The following ITPKB variants were observed in gnomAD, a reference collection of about 807,000 sequenced individuals.
The protein encoded by ITPKB is inositol-trisphosphate 3-kinase B.
In ITPKB, 13 loss-of-function variants were observed where a neutral mutation model predicts 69.4. That is an observed-to-expected ratio of 0.19 (90% CI 0.12 to 0.30). ITPKB has a LOEUF of 0.30. ITPKB is among the 10% of genes least tolerant of loss of function. The pLI, the probability that ITPKB is intolerant of heterozygous loss-of-function variation, is 1.00. For missense variants in ITPKB, 1,240 were observed against 1,250.5 expected, an observed-to-expected ratio of 0.99 and a Z score of 0.13; for synonymous variants, 584 against 513.7, an observed-to-expected ratio of 1.14 and a Z score of -1.85.
At chr1:226,649,607 G>C (rs1208811541) in intron 2 of ITPKB, among the ~76,000 whole-genome samples, 1 of 152,246 alleles carries the variant, frequency 6.6e-6, no homozygotes, top group Non-Finnish European at 1.5e-5. Flanking sequence ...GCGTGCATGT[G>C]TGTTTGGGGA....
At chr1:226,727,650 C>A (rs75361990) in intron 2 of ITPKB, among the ~76,000 whole-genome samples, 4,324 of 152,118 alleles carry the variant, frequency 0.028, 66 homozygotes, top group Middle Eastern at 0.054. Flanking sequence ...TGCAGAGAAC[C>A]CTTTAGAAGG....
At position 226,634,716 on chromosome 1, in the gene ITPKB, G is replaced by A. The variant is rs753936679; in HGVS notation, c.2796C>T (p.Leu932=). 1.3e-5 allele frequency: 13 copies of A among 979,392 alleles called. No individual in the cohort carries two copies. The highest frequency in any genetic ancestry group is 1.2e-4 in the East Asian group (5 of 42,024). The allele number at this position is 979,392 out of a possible 1,614,324, so 60.7% of individuals were successfully genotyped here. A position where few individuals can be genotyped will look rare whatever the true frequency, so the allele number is the denominator to read the frequency against. ...GGGACATCTCGGTCAGGATGTCGAC[G>A]AGGTTATTGAGCCCCGAGAGGTAGC... ...EDGYLSGLNN[L]VDILTEMSQD... The change falls in exon 8 of 8, where the codon CTC becomes CTT. Residue 932 remains leucine (L), a synonymous_variant. Coordinates refer to ENST00000429204, the MANE Select transcript of ITPKB (RefSeq NM_002221.4). This position sits in a 1 kb window ranked among gnomAD's most constrained non-coding sequence, Gnocchi z 6.3.
intron 2 of ITPKB, among the ~76,000 whole-genome samples, chr1:226,661,644 C>T (rs1034047994): frequency 4.6e-5 from 7 of 152,222 alleles, no homozygotes; most frequent in Non-Finnish European, 8.8e-5. Context: ...AATGGAAATA[C>T]CATGTATCCT....
intron 2 of ITPKB, among the ~76,000 whole-genome samples, chr1:226,693,693 CTG>C (rs1656411629): frequency 6.6e-6 from 1 of 152,200 alleles, no homozygotes; most frequent in Non-Finnish European, 1.5e-5. Context: ...AGATCACAAT[CTG>C]TAGTTTTAAA....
chr1:226,638,180 C>A (rs989922190), intron 6 of ITPKB, among the ~76,000 whole-genome samples: 1 of 152,218 alleles, frequency 6.6e-6, no homozygotes, highest in Non-Finnish European at 1.5e-5. Context: ...GAGCAGCCCC[C>A]TGGAGTCTTC....
intron 2 of ITPKB, among the ~76,000 whole-genome samples, chr1:226,657,644 A>C (rs1285375632): frequency 1.3e-5 from 2 of 152,242 alleles, no homozygotes; most frequent in East Asian, 3.8e-4. Context: ...ATAGTGTTAG[A>C]TACTAATAAG....
intron 2 of ITPKB, among the ~76,000 whole-genome samples, chr1:226,732,551 T>C (rs372609579): frequency 9.7e-4 from 147 of 151,968 alleles, no homozygotes; most frequent in Middle Eastern, 3.4e-3. Flanking sequence ...TTTTGTTTTT[T>C]TTTTTTTTGT....
At chr1:226,646,170 T>C (rs968178832) in intron 4 of ITPKB, among the ~76,000 whole-genome samples, 12 of 152,192 alleles carry the variant, frequency 7.9e-5, no homozygotes, top group Non-Finnish European at 1.2e-4. Context: ...CAGACAGCCC[T>C]GCAAGGAAGC....
At chr1:226,635,904 C>T (rs116037338) in intron 7 of ITPKB, among the ~76,000 whole-genome samples, 4 of 152,328 alleles carry the variant, frequency 2.6e-5, no homozygotes, top group African/African-American at 9.6e-5. Context: ...AGAGGAAGGC[C>T]GGGGGCACAG....
At chr1:226,664,297 T>C (rs1404643390) in intron 2 of ITPKB, among the ~76,000 whole-genome samples, 5 of 152,242 alleles carry the variant, frequency 3.3e-5, no homozygotes, top group Non-Finnish European at 5.9e-5. Flanking sequence ...AGAGAGGCAC[T>C]TGGAGGAATG....
At chr1:226,649,400 GTGTGCATGTGTGATA>G (rs1669130472) in intron 2 of ITPKB, among the ~76,000 whole-genome samples, 1 of 142,796 alleles carries the variant, frequency 7.0e-6, no homozygotes, top group South Asian at 2.3e-4. Flanking sequence ...GCATGAGTGT[GTGTGCATGTGTGATA>G]TGTGCATGAG....
intron 2 of ITPKB, among the ~76,000 whole-genome samples, chr1:226,651,992 TG>T (rs1669204267): frequency 6.6e-6 from 1 of 152,220 alleles, no homozygotes; most frequent in African/African-American, 2.4e-5. Context: ...ATGAGGGCCG[TG>T]GAATATTCCA....
intron 2 of ITPKB, among the ~76,000 whole-genome samples, chr1:226,713,659 T>A (rs1261732911): frequency 6.6e-6 from 1 of 152,216 alleles, no homozygotes; most frequent in Non-Finnish European, 1.5e-5. Flanking sequence ...TGTTGGCATC[T>A]CTTCGCTCTC....
intron 7 of ITPKB, among the ~76,000 whole-genome samples, chr1:226,636,997 A>G (rs1480130200): frequency 6.6e-6 from 1 of 151,830 alleles, no homozygotes; most frequent in African/African-American, 2.4e-5. Flanking sequence ...TTTGAGTGTG[A>G]TCTGTGAAGG....
intron 2 of ITPKB, among the ~76,000 whole-genome samples, chr1:226,666,980 T>C (rs1669515302): frequency 6.6e-6 from 1 of 152,234 alleles, no homozygotes; most frequent in Non-Finnish European, 1.5e-5. Context: ...CACTGCTTCA[T>C]GCTCCTGAAC....
chr1:226,634,913 G>A lies in ITPKB; in HGVS notation c.2626-27C>T. The A allele has an allele frequency of 6.3e-7, 1 of 1,582,246 alleles. No homozygotes were observed. The highest frequency in any genetic ancestry group is 8.6e-7 in the Non-Finnish European group (1 of 1,156,312). On this transcript the variant is annotated intron_variant, in intron 7 of 7. Coordinates refer to ENST00000429204, the MANE Select transcript of ITPKB (RefSeq NM_002221.4). The surrounding 1 kb of genome is among the most constrained non-coding windows in gnomAD (Gnocchi z 6.3). ...TGAGGAGAACATGGGGGTGAAGGGT[G>A]AGCTGAAGCCCGGGCCTCGCCCTCC...
At chr1:226,718,290 CAAAAA>C (rs60739828) in intron 2 of ITPKB, among the ~76,000 whole-genome samples, 2 of 96,580 alleles carry the variant, frequency 2.1e-5, no homozygotes, top group African/African-American at 6.9e-5. Context: ...CAAGACTTCT[CAAAAA>C]AAAAAAAAAA....
chr1:226,730,131 G>A (rs1657546120), intron 2 of ITPKB, among the ~76,000 whole-genome samples: 1 of 152,182 alleles, frequency 6.6e-6, no homozygotes, highest in South Asian at 2.1e-4. Context: ...TTGACTACAA[G>A]GTCAAGGGAC....
intron 2 of ITPKB, among the ~76,000 whole-genome samples, chr1:226,668,150 C>A (rs896456768): frequency 6.6e-6 from 1 of 152,184 alleles, no homozygotes; most frequent in Non-Finnish European, 1.5e-5. Flanking sequence ...CCCCCAACAA[C>A]CTTTTGTCTA....
Sources: gnomAD v4.1 joint callset for allele counts (sites outside exome capture counted in the v4.1 genomes callset) on GRCh38, gnomAD v4.1.1 for gene constraint, Gnocchi (gnomAD v3.1) non-coding constraint, MANE v1.5 for transcripts, NCBI Gene and HGNC (gene_info 2026-07-23, HGNC 2026-07-21) for gene names.